Variants in CNEP1R1 observed in about 807,000 individuals in gnomAD.
CNEP1R1 encodes nuclear envelope phosphatase-regulatory subunit 1.
CNEP1R1 carries 10 observed loss-of-function variants against 22.7 expected under a neutral mutation model. The ratio of observed to expected loss-of-function variants is 0.44; its 90% CI spans 0.27 to 0.75. The LOEUF (loss-of-function observed/expected upper bound fraction) is 0.75. Among genes scored for constraint, CNEP1R1 ranks in the 30% least tolerant of loss-of-function variants. The pLI is 0.17. For missense variants in CNEP1R1, 73 were observed against 151.5 expected, an observed-to-expected ratio of 0.48 and a Z score of 2.72; for synonymous variants, 53 against 50.1, an observed-to-expected ratio of 1.06 and a Z score of -0.25.
At chr16:50,031,863 C>T (rs1285368739) in intron 3 of CNEP1R1, among the ~76,000 whole-genome samples, 1 of 152,018 alleles carries the variant, frequency 6.6e-6, no homozygotes, top group Non-Finnish European at 1.5e-5. Flanking sequence ...TGGAGTGTTG[C>T]CATGGAGGGA....
chr16:50,026,495 A>G, intron 2 of CNEP1R1, 28 bp downstream of exon 2: 2 of 1,476,654 alleles, frequency 1.4e-6, no homozygotes, highest in African/African-American at 1.4e-5. Flanking sequence ...ATTTTAAGGG[A>G]AAACTAACAA....
intron 3 of CNEP1R1, among the ~76,000 whole-genome samples, chr16:50,032,810 G>A (rs1379882462): frequency 6.6e-6 from 1 of 152,158 alleles, no homozygotes; most frequent in Non-Finnish European, 1.5e-5. Context: ...TTCAAGACCA[G>A]CCTGGCCAAC....
In CNEP1R1 at chr16:50,025,264, G is replaced by C; in HGVS notation, c.-52G>C. 3.6e-6 allele frequency: 5 copies of C among 1,385,922 alleles called. No individual in the cohort carries two copies. Among genetic ancestry groups the C allele is most frequent in the Non-Finnish European group, 4.6e-6 (5 of 1,075,538 alleles). The allele number at this position is 1,385,922 out of a possible 1,614,324, so 85.9% of individuals were successfully genotyped here. On this transcript the variant is annotated 5_prime_UTR_variant, in exon 1 of 6. Coordinates refer to ENST00000427478, the MANE Select transcript of CNEP1R1 (RefSeq NM_001281789.2). ...GCGCTGCGGGCCGGGCGGGGGCCGC[G>C]GAAGCTGCGATGCGGACAGGGCAGC... is the stretch of plus-strand genomic sequence containing the variant.
intron 3 of CNEP1R1, among the ~76,000 whole-genome samples, chr16:50,032,192 CTTGA>C (rs1381212083): frequency 3.3e-5 from 5 of 152,176 alleles, no homozygotes; most frequent in South Asian, 2.1e-4. Context: ...ATGTGCTTAA[CTTGA>C]TTCTCTTGCT....
chr16:50,025,604 A>G, intron 1 of CNEP1R1: 1 of 1,533,658 alleles, frequency 6.5e-7, no homozygotes. Flanking sequence ...AGACACTTGC[A>G]CTTCGTGCAT....
intron 3 of CNEP1R1, among the ~76,000 whole-genome samples, chr16:50,032,379 T>C (rs371397190): frequency 1.6e-3 from 241 of 152,394 alleles, no homozygotes; most frequent in African/African-American, 5.7e-3. Flanking sequence ...TGTTTTCTGC[T>C]ATCATTTGAT....
At position 50,036,388 on chromosome 16, in the gene CNEP1R1, C is replaced by T. The variant is rs1015799532; in HGVS notation, c.*930C>T. ...TCTCCTGACCTCGTGATCCTCCTGC[C>T]TCATCCTCCCAAAATGCTGGGATTA... On this transcript the variant is annotated 3_prime_UTR_variant, in exon 6 of 6. Coordinates refer to ENST00000427478, the MANE Select transcript of CNEP1R1 (RefSeq NM_001281789.2). The T allele has an allele frequency of 4.6e-5, 7 of 152,146 alleles. No individual in the cohort carries two copies. Among genetic ancestry groups the T allele is most frequent in the Non-Finnish European group, 1.5e-5 (1 of 68,054 alleles). The allele number at this position is 152,146 out of a possible 1,614,324, so 9.4% of individuals were successfully genotyped here. A position where few individuals can be genotyped will look rare whatever the true frequency, so the allele number is the denominator to read the frequency against.
rs1394251976 is a variant in CNEP1R1 at position 50,025,284 on chromosome 16, G to C, written c.-32G>C. ...GCCGCGGAAGCTGCGATGCGGACAG[G>C]GCAGCGGCGGTGACCCGAGCTGCCG... is the stretch of plus-strand genomic sequence containing the variant. On this transcript the variant is annotated 5_prime_UTR_variant, in exon 1 of 6. Coordinates refer to ENST00000427478, the MANE Select transcript of CNEP1R1 (RefSeq NM_001281789.2). 2.8e-6 allele frequency: 4 copies of C among 1,426,122 alleles called. No homozygotes were observed. The highest frequency in any genetic ancestry group is 1.8e-6 in the Non-Finnish European group (2 of 1,095,642). The allele number at this position is 1,426,122 out of a possible 1,614,324, so 88.3% of individuals were successfully genotyped here.
rs4640178 is a variant in CNEP1R1, at chr16:50,035,861, A to G, written c.*403A>G. The G allele has an allele frequency of 0.92, 148,181 of 160,876 alleles. 68,347 individuals carry two copies. The highest frequency in any genetic ancestry group is 1 in the East Asian group (5,374 of 5,398). 10.0% of individuals were successfully genotyped at this position (160,876 alleles called of 1,614,324 possible). ...TGTGTGGACTTTGTTCTCTTGCACC[A>G]GTATTTCAGGAACATCTGCTTGCCA... On this transcript the variant is annotated 3_prime_UTR_variant, in exon 6 of 6. Coordinates refer to ENST00000427478, the MANE Select transcript of CNEP1R1 (RefSeq NM_001281789.2).
intron 1 of CNEP1R1, 60 bp downstream of exon 1, chr16:50,025,400 A>AGGGGCC: frequency 7.1e-7 from 1 of 1,414,208 alleles, no homozygotes; most frequent in Non-Finnish European, 9.3e-7. Context: ...GGTGCTCCGG[A>AGGGGCC]GGAGCCGGCG....
intron 2 of CNEP1R1, among the ~76,000 whole-genome samples, chr16:50,027,211 C>T (rs1295621768): frequency 1.3e-5 from 2 of 151,980 alleles, no homozygotes; most frequent in Non-Finnish European, 1.5e-5. Context: ...TGAGACCAGC[C>T]TGGGTAACAT....
intron 3 of CNEP1R1, among the ~76,000 whole-genome samples, chr16:50,030,583 A>G (rs1281952048): frequency 4.6e-5 from 7 of 152,240 alleles, no homozygotes. Flanking sequence ...TATAATAAAA[A>G]GTCAGGACTA....
chr16:50,025,551 C>A, intron 1 of CNEP1R1: 1 of 1,238,664 alleles, frequency 8.1e-7, no homozygotes, highest in South Asian at 1.3e-5. Flanking sequence ...CCTAGAGGGT[C>A]GACCTCCTCG....
chr16:50,035,714 A>AGTAT lies in CNEP1R1; in HGVS notation c.*267_*270dup. 1 of 431,768 alleles carries AGTAT rather than the reference A, an allele frequency of 2.3e-6. No homozygotes were observed. Among genetic ancestry groups the AGTAT allele is most frequent in the Non-Finnish European group, 4.1e-6 (1 of 242,054 alleles). 26.7% of individuals were successfully genotyped at this position (431,768 alleles called of 1,614,324 possible). A position where few individuals can be genotyped will look rare whatever the true frequency, so the allele number is the denominator to read the frequency against. On this transcript the variant is annotated 3_prime_UTR_variant, in exon 6 of 6. Transcript: ENST00000427478. ...ATCCTGCAAATATTTTTGCAGATGA[A>AGTAT]GTATGTATGTATGTTACTAAGTTAA...
intron 2 of CNEP1R1, among the ~76,000 whole-genome samples, chr16:50,027,759 A>G (rs2036199015): frequency 6.6e-6 from 1 of 152,150 alleles, no homozygotes; most frequent in African/African-American, 2.4e-5. Context: ...GATTTTTAAC[A>G]AAGCATAATT....
At position 50,036,170 on chromosome 16, in the gene CNEP1R1, C is replaced by T. The variant is rs1299128962; in HGVS notation, c.*712C>T. The T allele has an allele frequency of 1.4e-5, 2 of 141,416 alleles. No homozygotes were observed. 8.8% of individuals were successfully genotyped at this position (141,416 alleles called of 1,614,324 possible). On this transcript the variant is annotated 3_prime_UTR_variant, in exon 6 of 6. Coordinates refer to ENST00000427478, the MANE Select transcript of CNEP1R1 (RefSeq NM_001281789.2). ...TTTTTTTTTTTTTTAGACGGAGTCT[C>T]GCTCTGTTGCCAGGCTGGAGGGCAG...
chr16:50,026,092 G>A (rs1245466340), intron 1 of CNEP1R1: 1 of 414,226 alleles, frequency 2.4e-6, no homozygotes, highest in African/African-American at 2.0e-5. Flanking sequence ...GAAAATGTTC[G>A]CTTTTGGCGC....
rs2036200917 is a variant in CNEP1R1 at position 50,027,953 on chromosome 16, A to G, written c.97+1486A>G. Reference sequence around the variant, plus strand: ...TGCTTTGTTAATATGTGTTTGGAATAGTTTTTATTTGTTTTTGTTTTGGAA... The same window carrying G: ...TGCTTTGTTAATATGTGTTTGGAATGGTTTTTATTTGTTTTTGTTTTGGAA... On this transcript the variant is annotated intron_variant, in intron 2 of 5. Coordinates refer to ENST00000427478, the MANE Select transcript of CNEP1R1 (RefSeq NM_001281789.2). 1.3e-5 allele frequency among the ~76,000 whole-genome samples: 2 copies of G among 152,030 alleles called. 1 individual carries two copies. The highest frequency in any genetic ancestry group is 4.1e-4 in the South Asian group (2 of 4,828).
intron 2 of CNEP1R1, 118 bp downstream of exon 2, chr16:50,026,585 T>C: frequency 1.3e-6 from 1 of 768,740 alleles, no homozygotes; most frequent in South Asian, 1.8e-5. Context: ...TTGTAGACAA[T>C]GCCTTATGAA....
Sources: gnomAD v4.1 joint callset for allele counts (sites outside exome capture counted in the v4.1 genomes callset) on GRCh38, gnomAD v4.1.1 for gene constraint, MANE v1.5 for transcripts, NCBI Gene and HGNC (gene_info 2026-07-23, HGNC 2026-07-21) for gene names.